The following SWAP70 variants were observed in gnomAD, a reference collection of about 807,000 sequenced individuals.
SWAP70 encodes the protein switching B cell complex subunit SWAP70.
SWAP70 carries 34 observed loss-of-function variants against 80.2 expected under a neutral mutation model. The observed-to-expected ratio is 0.42, with a 90% CI of 0.32 to 0.56. The LOEUF (loss-of-function observed/expected upper bound fraction) is 0.56. Among genes scored for constraint, SWAP70 ranks in the 20% least tolerant of loss-of-function variants. The pLI, the probability that SWAP70 is intolerant of heterozygous loss-of-function variation, is 0.09. For missense variants in SWAP70, 578 were observed against 690.7 expected (o/e 0.84, Z 1.83); for synonymous variants, 239 against 238.5 (o/e 1.00, Z -0.02).
chr11:9,671,016 G>C (rs970802230), intron 1 of SWAP70, among the ~76,000 whole-genome samples: 1 of 148,800 alleles, frequency 6.7e-6, no homozygotes, highest in South Asian at 2.1e-4. Context: ...GCCTCCCAAA[G>C]TGCTGGGAGT....
chr11:9,666,089 G>GTTTTTTTTTTT (rs1392291288), intron 1 of SWAP70, among the ~76,000 whole-genome samples: 1 of 126,214 alleles, frequency 7.9e-6, no homozygotes, highest in African/African-American at 2.9e-5. Context: ...TTAGTTTTTT[G>GTTTTTTTTTTT]TTTTTTTTTT....
At chr11:9,682,841 T>A (rs940221141) in intron 1 of SWAP70, among the ~76,000 whole-genome samples, 1 of 152,196 alleles carries the variant, frequency 6.6e-6, no homozygotes, top group Non-Finnish European at 1.5e-5. Flanking sequence ...CACGCCCAGC[T>A]AATTTTTATG....
intron 7 of SWAP70, among the ~76,000 whole-genome samples, chr11:9,734,789 A>AT (rs113815537): frequency 4.6e-5 from 7 of 151,904 alleles, no homozygotes; most frequent in Non-Finnish European, 1.0e-4. Context: ...TACCTGGCTA[A>AT]TTTTTTTGTA....
At chr11:9,685,764 G>A (rs1186476389) in intron 1 of SWAP70, among the ~76,000 whole-genome samples, 1 of 152,128 alleles carries the variant, frequency 6.6e-6, no homozygotes, top group African/African-American at 2.4e-5. Context: ...TTCCCGAGTA[G>A]CTGGGACTAC....
At position 9,705,988 on chromosome 11, in the gene SWAP70, G is replaced by A. The variant is rs61878117; in HGVS notation, c.241-7478G>A. Among the ~76,000 whole-genome samples the A allele has an allele frequency of 1.3e-3, 41 of 32,138 alleles. 1 individual carries two copies. The highest frequency in any genetic ancestry group is 2.6e-3 in the Admixed American group (11 of 4,204). The allele number at this position is 32,138 out of a possible 152,430, so 21.1% of individuals were successfully genotyped here. A position where few individuals can be genotyped will look rare whatever the true frequency, so the allele number is the denominator to read the frequency against. ...TCTGTGTATACTTGGTGATCTGTAT[G>A]CACTGGTGATCTGTATACACTGGTG... On this transcript the variant is annotated intron_variant, in intron 2 of 11. Coordinates refer to ENST00000318950, the MANE Select transcript of SWAP70 (RefSeq NM_015055.4).
chr11:9,743,875 A>T (rs1851475430), intron 9 of SWAP70, among the ~76,000 whole-genome samples: 1 of 152,134 alleles, frequency 6.6e-6, no homozygotes, highest in Non-Finnish European at 1.5e-5. Flanking sequence ...TCTTAAAAAG[A>T]CAGTGTCTTA....
intron 2 of SWAP70, among the ~76,000 whole-genome samples, chr11:9,705,518 A>G (rs1422361398): frequency 7.1e-6 from 1 of 140,744 alleles, no homozygotes; most frequent in Non-Finnish European, 1.5e-5. Flanking sequence ...TGATCTGTGT[A>G]TACTTGGTGA....
In SWAP70 at chr11:9,725,569, A is replaced by ATT. The variant is rs746391271; in HGVS notation, c.642+702_642+703dup. On this transcript the variant is annotated intron_variant, in intron 4 of 11. Coordinates refer to ENST00000318950, the MANE Select transcript of SWAP70 (RefSeq NM_015055.4). Reference sequence around the variant, plus strand: ...TATATATATATATATATATATATATATTTTTTTTTTTTTTTTTTTCCAAGA... The same window carrying ATT: ...TATATATATATATATATATATATATATTTTTTTTTTTTTTTTTTTTTCCAAGA... Among the ~76,000 whole-genome samples, 49 of 26,592 alleles carry ATT rather than the reference A, an allele frequency of 1.8e-3. 3 individuals carry two copies. Among genetic ancestry groups the ATT allele is most frequent in the South Asian group, 5.1e-3 (3 of 590 alleles). 17.4% of individuals were successfully genotyped at this position (26,592 alleles called of 152,430 possible). A position where few individuals can be genotyped will look rare whatever the true frequency, so the allele number is the denominator to read the frequency against.
intron 2 of SWAP70, among the ~76,000 whole-genome samples, chr11:9,695,288 C>T (rs1367157544): frequency 1.3e-5 from 2 of 151,040 alleles, no homozygotes; most frequent in African/African-American, 4.9e-5. Context: ...GAGCGAAAAT[C>T]CGTGTCAGAA....
intron 9 of SWAP70, chr11:9,740,711 T>G (rs1422644138): frequency 3.2e-6 from 1 of 311,736 alleles, no homozygotes; most frequent in South Asian, 3.2e-5. Flanking sequence ...GCCATTGGTA[T>G]GCAGGCAGAG....
chr11:9,672,530 ATTTTTTTTTT>A (rs58704706), intron 1 of SWAP70, among the ~76,000 whole-genome samples: 4 of 88,380 alleles, frequency 4.5e-5, no homozygotes, highest in African/African-American at 9.8e-5. Context: ...CACCTGGCTA[ATTTTTTTTTT>A]TTTTTTTTTT....
At chr11:9,677,582 T>G (rs1466937121) in intron 1 of SWAP70, among the ~76,000 whole-genome samples, 1 of 152,150 alleles carries the variant, frequency 6.6e-6, no homozygotes, top group African/African-American at 2.4e-5. Flanking sequence ...TTAGTAAATG[T>G]TTTCCTCTTA....
At chr11:9,687,259 G>T (rs1387457044) in intron 1 of SWAP70, among the ~76,000 whole-genome samples, 1 of 152,084 alleles carries the variant, frequency 6.6e-6, no homozygotes, top group Admixed American at 6.6e-5. Context: ...ATATTTAAAG[G>T]CATTCTTAGT....
In SWAP70 at chr11:9,704,610, C is replaced by G. The variant is rs960367605; in HGVS notation, c.241-8856C>G. Among the ~76,000 whole-genome samples, 8 of 152,226 alleles carry G rather than the reference C, an allele frequency of 5.3e-5. No homozygotes were observed. In the East Asian group the frequency reaches 1.4e-3, roughly 26 times the overall value. The stretch of plus-strand genomic sequence containing the variant: ...GTTTCACCATGTTGGTCAGGCTGGT[C>G]TCGGACTCCTGGCCTCAAGTCATCT... On this transcript the variant is annotated intron_variant, in intron 2 of 11. Transcript: ENST00000318950.
chr11:9,674,689 G>T (rs1425647960), intron 1 of SWAP70, among the ~76,000 whole-genome samples: 3 of 152,118 alleles, frequency 2.0e-5, no homozygotes, highest in African/African-American at 4.8e-5. Context: ...AATAGGCTGG[G>T]TGCGGTGGCT....
rs1851265915 is a variant in SWAP70, at chr11:9,729,358, G to A, written c.805G>A (p.Asp269Asn). The part of the protein sequence containing the change: ...NCCVESLPDK[D>N]GKKCLFLVKC... ...TCTGTTTTAGTCCTTGCCTGACAAA[G>A]ATGGAAAGAAATGCCTTTTTCTCGT... The change falls in exon 6 of 12, where the codon GAT becomes AAT. Residue 269 changes from aspartate (D) to asparagine (N), a missense_variant. Asp to Asn is a conservative substitution (Grantham distance 23). Transcript: ENST00000318950. 1 of 1,613,104 alleles carries A rather than the reference G, an allele frequency of 6.2e-7. No homozygotes were observed. Among genetic ancestry groups the A allele is most frequent in the Non-Finnish European group, 8.5e-7 (1 of 1,179,502 alleles).
At chr11:9,745,130 A>G (rs989052752) in intron 9 of SWAP70, among the ~76,000 whole-genome samples, 8 of 152,286 alleles carry the variant, frequency 5.3e-5, no homozygotes, top group African/African-American at 1.9e-4. Flanking sequence ...CTTACATTTG[A>G]TATAATACTT....
chr11:9,752,128 G>A lies in SWAP70; in HGVS notation c.*2158G>A, dbSNP rs1851599014. On this transcript the variant is annotated 3_prime_UTR_variant, in exon 12 of 12. Coordinates refer to ENST00000318950, the MANE Select transcript of SWAP70 (RefSeq NM_015055.4). ...ATGGGATGGAAACAGTGTGGCCTTA[G>A]GAGTCAAATAGTCTCTGCATGGTGG... The A allele has an allele frequency of 6.6e-6, 1 of 152,226 alleles. No individual in the cohort carries two copies. Among genetic ancestry groups the A allele is most frequent in the South Asian group, 2.1e-4 (1 of 4,834 alleles). 9.4% of individuals were successfully genotyped at this position (152,226 alleles called of 1,614,324 possible). A position where few individuals can be genotyped will look rare whatever the true frequency, so the allele number is the denominator to read the frequency against.
At chr11:9,722,477 G>T (rs772661300) in intron 3 of SWAP70, among the ~76,000 whole-genome samples, 20 of 152,366 alleles carry the variant, frequency 1.3e-4, no homozygotes, top group Non-Finnish European at 2.5e-4. Flanking sequence ...ACTTTAGTGT[G>T]CAAATGGAAG....
Sources: allele counts gnomAD v4.1 joint callset (sites outside exome capture counted in the v4.1 genomes callset), GRCh38; gene constraint gnomAD v4.1.1; transcripts MANE v1.5; gene names NCBI Gene and HGNC (gene_info 2026-07-23, HGNC 2026-07-21).